MGAT5: variants seen among roughly 807,000 people sequenced by gnomAD.
MGAT5 encodes alpha-1,6-mannosylglycoprotein 6-beta-N-acetylglucosaminyltransferase, also known as alpha-1,6-mannosylglycoprotein 6-beta-N-acetylglucosaminyltransferase A.
MGAT5 carries 30 observed loss-of-function variants against 94.3 expected under a neutral mutation model. The observed-to-expected ratio is 0.32, with a 90% CI of 0.24 to 0.43. MGAT5 has a LOEUF of 0.43. Ranked by LOEUF, MGAT5 falls within the 20% of genes least tolerant of loss-of-function variation. The pLI is 1.00. For synonymous variants in MGAT5, 310 were observed against 322.9 expected, an observed-to-expected ratio of 0.96 and a Z score of 0.43; for missense variants, 691 against 905.5, an observed-to-expected ratio of 0.76 and a Z score of 3.04.
At chr2:134,230,317 C>T (rs1350845994) in intron 1 of MGAT5, among the ~76,000 whole-genome samples, 1 of 152,220 alleles carries the variant, frequency 6.6e-6, no homozygotes, top group Admixed American at 6.5e-5. Context: ...GGCTGCTTGC[C>T]TCCTGCTGTG....
At position 134,430,880 on chromosome 2, in the gene MGAT5, A is replaced by G. The variant is rs927717958; in HGVS notation, c.1869+2441A>G. On this transcript the variant is annotated intron_variant, in intron 14 of 15. Transcript: ENST00000281923. ...GCAAGTTTCATGGAGAAGGCAGCCAAGTCCACAGGCAGTAAGTGCCACTGC... is the reference window on the plus strand; with the variant it reads ...GCAAGTTTCATGGAGAAGGCAGCCAGGTCCACAGGCAGTAAGTGCCACTGC... Among the ~76,000 whole-genome samples, 3 of 152,224 alleles carry G rather than the reference A, an allele frequency of 2.0e-5. No individual in the cohort carries two copies. The East Asian group carries it at 5.8e-4, about 29-fold the overall frequency.
At chr2:134,448,190 C>A (rs519054) in intron 15 of MGAT5, among the ~76,000 whole-genome samples, 63,392 of 152,152 alleles carry the variant, frequency 0.42, 14,033 homozygotes, top group Admixed American at 0.53. Context: ...GCAGCCTTCA[C>A]CTCCCGTGTG....
intron 1 of MGAT5, among the ~76,000 whole-genome samples, chr2:134,214,079 AT>A (rs1680342108): frequency 6.6e-6 from 1 of 152,054 alleles, no homozygotes; most frequent in African/African-American, 2.4e-5. Flanking sequence ...ACAAAAAGAC[AT>A]TTCTCCCCAC....
intron 14 of MGAT5, among the ~76,000 whole-genome samples, chr2:134,438,195 G>A (rs543224269): frequency 5.3e-5 from 8 of 152,120 alleles, no homozygotes; most frequent in South Asian, 4.2e-4. Flanking sequence ...ATTACCTTTA[G>A]CCTCCATGTT....
chr2:134,221,887 C>G (rs1244597191), intron 1 of MGAT5, among the ~76,000 whole-genome samples: 2 of 152,066 alleles, frequency 1.3e-5, no homozygotes, highest in African/African-American at 2.4e-5. Context: ...AGTCCTCAGT[C>G]CCCCACTCTT....
At chr2:134,328,383 G>T (rs1043089531) in intron 4 of MGAT5, among the ~76,000 whole-genome samples, 1 of 152,012 alleles carries the variant, frequency 6.6e-6, no homozygotes, top group African/African-American at 2.4e-5. Flanking sequence ...CACAAGACCT[G>T]ATTTGCTGTC....
At chr2:134,412,003 G>A (rs1683693451) in intron 11 of MGAT5, among the ~76,000 whole-genome samples, 1 of 152,208 alleles carries the variant, frequency 6.6e-6, no homozygotes. Flanking sequence ...ACAACCTGCA[G>A]TGCTCCAGCA....
Position 134,453,255 on chromosome 2 carries a change from C to T in MGAT5, c.*4408C>T, listed in dbSNP as rs903614459. 6.6e-6 allele frequency: 1 copy of T among 152,192 alleles called. No homozygotes were observed. Among genetic ancestry groups the T allele is most frequent in the Non-Finnish European group, 1.5e-5 (1 of 68,036 alleles). The allele number at this position is 152,192 out of a possible 1,614,324, so 9.4% of individuals were successfully genotyped here. On this transcript the variant is annotated 3_prime_UTR_variant, in exon 16 of 16. Transcript: ENST00000281923. ...GTAGCCCAGTTCTCGGCCTACCCTGCTGGTTGGGATCTTACTGTATTCTTG... is the reference window on the plus strand; with the variant it reads ...GTAGCCCAGTTCTCGGCCTACCCTGTTGGTTGGGATCTTACTGTATTCTTG...
chr2:134,264,849 G>A (rs185354106), intron 1 of MGAT5, among the ~76,000 whole-genome samples: 55 of 152,302 alleles, frequency 3.6e-4, no homozygotes, highest in African/African-American at 1.2e-3. Context: ...TTCATGCTCT[G>A]CCTCTCGGGC....
chr2:134,392,038 T>C (rs1418619230), intron 10 of MGAT5, among the ~76,000 whole-genome samples: 4 of 152,142 alleles, frequency 2.6e-5, no homozygotes, highest in African/African-American at 7.2e-5. Flanking sequence ...CGTGTTGGCA[T>C]TGGTAACAGG....
chr2:134,292,430 ACT>A (rs1685428239), intron 2 of MGAT5, among the ~76,000 whole-genome samples: 1 of 151,976 alleles, frequency 6.6e-6, no homozygotes, highest in Admixed American at 6.6e-5. Context: ...AGGTGGAACA[ACT>A]CTCTTCAATC....
intron 9 of MGAT5, among the ~76,000 whole-genome samples, chr2:134,350,948 G>A (rs1679343981): frequency 6.6e-6 from 1 of 152,106 alleles, no homozygotes; most frequent in African/African-American, 2.4e-5. Flanking sequence ...TTCTTCCCAT[G>A]TGGTTGCCCC....
At chr2:134,178,913 C>A (rs950224904) in intron 1 of MGAT5, among the ~76,000 whole-genome samples, 1 of 152,220 alleles carries the variant, frequency 6.6e-6, no homozygotes, top group Non-Finnish European at 1.5e-5. Context: ...TCAAAGCCAT[C>A]TGTGAAGGCA....
intron 1 of MGAT5, among the ~76,000 whole-genome samples, chr2:134,146,525 A>C (rs1389319205): frequency 6.6e-6 from 1 of 151,952 alleles, no homozygotes; most frequent in Non-Finnish European, 1.5e-5. Flanking sequence ...GCACCACTGC[A>C]CTCCAGCCTG....
intron 12 of MGAT5, among the ~76,000 whole-genome samples, chr2:134,414,729 A>G (rs1436839477): frequency 2.6e-5 from 4 of 152,222 alleles, no homozygotes; most frequent in Admixed American, 2.6e-4. Flanking sequence ...ATCAACTTGT[A>G]TAACTGAGAC....
At chr2:134,174,911 A>T (rs981198411) in intron 1 of MGAT5, among the ~76,000 whole-genome samples, 1 of 152,216 alleles carries the variant, frequency 6.6e-6, no homozygotes, top group Non-Finnish European at 1.5e-5. Flanking sequence ...GATGCATGTC[A>T]GTATCTCATC....
At chr2:134,261,827 G>A (rs1683358443) in intron 1 of MGAT5, among the ~76,000 whole-genome samples, 1 of 152,202 alleles carries the variant, frequency 6.6e-6, no homozygotes, top group South Asian at 2.1e-4. Context: ...GCAGCCCCTG[G>A]TGAAACTCTG....
chr2:134,199,425 A>G (rs1573849120), intron 1 of MGAT5, among the ~76,000 whole-genome samples: 1 of 148,668 alleles, frequency 6.7e-6, no homozygotes, highest in African/African-American at 2.5e-5. Context: ...TCACCTGTGG[A>G]CTCTCAGTTC....
At chr2:134,393,545 G>A (rs1456684404) in intron 10 of MGAT5, among the ~76,000 whole-genome samples, 1 of 152,050 alleles carries the variant, frequency 6.6e-6, no homozygotes, top group African/African-American at 2.4e-5. Context: ...GTCATCCCCC[G>A]TGCAGACAAT....
Sources: allele counts gnomAD v4.1 joint callset (sites outside exome capture counted in the v4.1 genomes callset), GRCh38; gene constraint gnomAD v4.1.1; transcripts MANE v1.5; gene names NCBI Gene and HGNC (gene_info 2026-07-23, HGNC 2026-07-21).